Variants in GLB1 observed in about 807,000 individuals in gnomAD.
GLB1 encodes the protein beta-galactosidase.
GLB1 carries 56 observed loss-of-function variants against 74.0 expected under a neutral mutation model. That is an observed-to-expected ratio of 0.76 (90% CI 0.61 to 0.94). The LOEUF (loss-of-function observed/expected upper bound fraction) is 0.94. Ranked by LOEUF, GLB1 falls within the 40% of genes least tolerant of loss-of-function variation. The pLI, the probability that GLB1 is intolerant of heterozygous loss-of-function variation, is 0.00. For synonymous variants in GLB1, 323 were observed against 323.6 expected (o/e 1.00, Z 0.02); for missense variants, 787 against 845.5 (o/e 0.93, Z 0.86).
intron 10 of GLB1, chr3:33,034,471 G>A: frequency 1.4e-6 from 1 of 730,322 alleles, no homozygotes; most frequent in Non-Finnish European, 2.5e-6. Context: ...GAAGCTGGAA[G>A]CACAGTGACT....
At chr3:32,998,660 G>A (rs1374433858) in intron 15 of GLB1, among the ~76,000 whole-genome samples, 2 of 152,050 alleles carry the variant, frequency 1.3e-5, no homozygotes, top group African/African-American at 4.8e-5. Context: ...GAGAAGAAAG[G>A]AAAACATAAA....
At chr3:33,035,923 G>A (rs900218973) in intron 10 of GLB1, among the ~76,000 whole-genome samples, 3 of 152,040 alleles carry the variant, frequency 2.0e-5, no homozygotes, top group Non-Finnish European at 4.4e-5. Context: ...TCCTTAACTT[G>A]GTGTATTCAA....
At chr3:33,055,198 C>T (rs1001255893) in intron 6 of GLB1, among the ~76,000 whole-genome samples, 1 of 152,212 alleles carries the variant, frequency 6.6e-6, no homozygotes, top group African/African-American at 2.4e-5. Flanking sequence ...CCCATCTGCC[C>T]CAGGCACCCT....
intron 12 of GLB1, among the ~76,000 whole-genome samples, chr3:33,020,162 C>T (rs930483904): frequency 2.6e-5 from 4 of 152,138 alleles, no homozygotes; most frequent in Admixed American, 1.3e-4. Flanking sequence ...CCCTATACAA[C>T]GTTCATGAAA....
chr3:33,036,192 C>T (rs1334071843), intron 10 of GLB1, among the ~76,000 whole-genome samples: 1 of 152,078 alleles, frequency 6.6e-6, no homozygotes, highest in African/African-American at 2.4e-5. Flanking sequence ...GTTCATAGAG[C>T]AGGGCCTCTT....
At chr3:33,040,536 C>T (rs1048698560) in intron 10 of GLB1, among the ~76,000 whole-genome samples, 1 of 152,064 alleles carries the variant, frequency 6.6e-6, no homozygotes, top group Non-Finnish European at 1.5e-5. Context: ...CACTTGAGCC[C>T]GGGAGGTTGA....
intron 5 of GLB1, chr3:33,061,855 A>C (rs1443763098): frequency 1.3e-5 from 2 of 152,216 alleles, no homozygotes; most frequent in East Asian, 3.9e-4. Flanking sequence ...CATAGGTGGC[A>C]CTGGCTCAGC....
intron 15 of GLB1, among the ~76,000 whole-genome samples, chr3:33,006,975 C>A (rs1051614319): frequency 6.6e-6 from 1 of 152,212 alleles, no homozygotes. Context: ...TGCTAACGTG[C>A]TCATTCTTTC....
intron 10 of GLB1, among the ~76,000 whole-genome samples, chr3:33,029,241 A>G (rs1697906027): frequency 6.6e-6 from 1 of 152,212 alleles, no homozygotes; most frequent in Non-Finnish European, 1.5e-5. Context: ...TTGTGCTTTA[A>G]TCATACTTTT....
the GLB1 span, among the ~76,000 whole-genome samples, chr3:32,961,966 C>G: frequency 6.6e-6 from 1 of 152,154 alleles, no homozygotes; most frequent in African/African-American, 2.4e-5. Flanking sequence ...GAGGCCAAGG[C>G]AGGCGGATCA....
the GLB1 span, among the ~76,000 whole-genome samples, chr3:32,974,669 C>G: frequency 0.78 from 118,660 of 152,034 alleles, 48,255 homozygotes; most frequent in East Asian, 1. Flanking sequence ...AAGTCCAAAA[C>G]CTGGCCATCT....
chr3:33,040,499 C>G (rs906332543), intron 10 of GLB1, among the ~76,000 whole-genome samples: 1 of 152,148 alleles, frequency 6.6e-6, no homozygotes, highest in African/African-American at 2.4e-5. Context: ...GTAGTCCCAG[C>G]TCCTCAGGAG....
chr3:33,060,290 T>C (rs972520842), intron 5 of GLB1, among the ~76,000 whole-genome samples: 5 of 152,314 alleles, frequency 3.3e-5, no homozygotes, highest in Admixed American at 1.3e-4. Context: ...TCACTGGTCA[T>C]GAAACCATCC....
chr3:33,068,013 G>A (rs1699754069), intron 4 of GLB1, among the ~76,000 whole-genome samples: 1 of 152,126 alleles, frequency 6.6e-6, no homozygotes, highest in South Asian at 2.1e-4. Context: ...AGCCTCCTGA[G>A]TAGCTGGGAT....
At chr3:33,064,356 C>A (rs928262712) in intron 5 of GLB1, among the ~76,000 whole-genome samples, 4 of 151,300 alleles carry the variant, frequency 2.6e-5, no homozygotes, top group Non-Finnish European at 4.4e-5. Context: ...AGGAGGGTCG[C>A]CTGAACCTGG....
chr3:33,016,953 A>C, intron 13 of GLB1, 113 bp from the exon 14 acceptor site: 1 of 1,507,890 alleles, frequency 6.6e-7, no homozygotes, highest in Non-Finnish European at 8.9e-7. Context: ...GTGTCACCAG[A>C]CTTGGAAAGA....
At chr3:33,085,274 C>CAAAAAAAA (rs772490092) in intron 1 of GLB1, among the ~76,000 whole-genome samples, 2 of 74,122 alleles carry the variant, frequency 2.7e-5, no homozygotes, top group African/African-American at 1.0e-4. Flanking sequence ...GAGTCTGTTT[C>CAAAAAAAA]AAAAAAAAAA....
chr3:33,097,139 A>C lies in GLB1; in HGVS notation c.-54T>G, dbSNP rs562786228. 3.1e-6 allele frequency: 5 copies of C among 1,600,782 alleles called. No individual in the cohort carries two copies. Among genetic ancestry groups the C allele is most frequent in the Middle Eastern group, 3.3e-4 (2 of 6,014 alleles). ...GCGCCCAGGCCGGCCGCTTCGCGTC[A>C]CTTGACTAAGGACCCACGGCCTGGC... On this transcript the variant is annotated 5_prime_UTR_variant, in exon 1 of 16. Transcript: ENST00000307363.
At chr3:33,046,499 G>C (rs1698746184) in intron 9 of GLB1, among the ~76,000 whole-genome samples, 1 of 152,054 alleles carries the variant, frequency 6.6e-6, no homozygotes. Flanking sequence ...GATTCTAGCA[G>C]GTATCACCCC....
Sources: allele counts gnomAD v4.1 joint callset (sites outside exome capture counted in the v4.1 genomes callset), GRCh38; gene constraint gnomAD v4.1.1; transcripts MANE v1.5; gene names NCBI Gene and HGNC (gene_info 2026-07-23, HGNC 2026-07-21).